Variants in SLC13A5 observed in about 807,000 individuals in gnomAD.
SLC13A5 encodes the protein solute carrier family 13 member 5.
In SLC13A5, 25 loss-of-function variants were observed where a neutral mutation model predicts 56.5. The observed-to-expected ratio is 0.44, with a 90% CI of 0.32 to 0.62. The LOEUF is 0.62. SLC13A5 is among the 20% of genes least tolerant of loss of function. The pLI is 0.04. For missense variants in SLC13A5, 649 were observed against 737.8 expected, an observed-to-expected ratio of 0.88 and a Z score of 1.39; for synonymous variants, 307 against 301.5, an observed-to-expected ratio of 1.02 and a Z score of -0.19.
At chr17:6,696,842 A>G (rs1298294386) in intron 6 of SLC13A5, among the ~76,000 whole-genome samples, 1 of 152,080 alleles carries the variant, frequency 6.6e-6, no homozygotes, top group Non-Finnish European at 1.5e-5. Context: ...AGACATAATC[A>G]TAGGAGGGAA....
intron 1 of SLC13A5, among the ~76,000 whole-genome samples, chr17:6,709,431 G>A (rs982185316): frequency 1.2e-4 from 18 of 151,842 alleles, no homozygotes; most frequent in Non-Finnish European, 2.2e-4. Context: ...CACCACGCCC[G>A]GCTAATTTTT....
chr17:6,713,272 G>A lies in SLC13A5; in HGVS notation c.62C>T (p.Pro21Leu). ...AATGACGAGTGGCAGCAGCAGGAGC[G>A]GGGTGACGAACAAGATCACGAAGGA... is the stretch of plus-strand genomic sequence containing the variant. Reference protein sequence around the residue: ...FKSFVILFVTPLLLLPLVILM... With the variant: ...FKSFVILFVTLLLLLPLVILM... Residue 21 changes from proline (P) to leucine (L), a missense_variant, in exon 1 of 12, where the codon CCG (proline) becomes CTG (leucine). Pro to Leu is a moderately conservative substitution (Grantham distance 98). Transcript: ENST00000433363. This position sits in a 1 kb window ranked among gnomAD's most constrained non-coding sequence, Gnocchi z 7.3. The A allele has an allele frequency of 6.2e-7, 1 of 1,613,982 alleles. No individual in the cohort carries two copies. Among genetic ancestry groups the A allele is most frequent in the Non-Finnish European group, 8.5e-7 (1 of 1,179,938 alleles).
intron 6 of SLC13A5, among the ~76,000 whole-genome samples, chr17:6,698,968 A>G (rs1340022306): frequency 2.6e-5 from 4 of 151,616 alleles, no homozygotes; most frequent in African/African-American, 4.9e-5. Flanking sequence ...GCTTGAACCC[A>G]GGTGGTGGAG....
At position 6,703,141 on chromosome 17, in the gene SLC13A5, G is replaced by A; in HGVS notation, c.548-3C>T. 6.2e-7 allele frequency: 1 copy of A among 1,613,962 alleles called. No homozygotes were observed. The highest frequency in any genetic ancestry group is 8.5e-7 in the Non-Finnish European group (1 of 1,180,010). On this transcript the variant is annotated splice_region_variant and splice_polypyrimidine_tract_variant and intron_variant, in intron 4 of 11. Transcript: ENST00000433363. ...GCCTTCAAAAATCACTTGACTCCCT[G>A]TGGTGGGCACAGCGCTGTTAGCTGA... is the stretch of plus-strand genomic sequence containing the variant.
intron 1 of SLC13A5, among the ~76,000 whole-genome samples, chr17:6,707,888 C>A (rs1404872444): frequency 6.6e-6 from 1 of 152,170 alleles, no homozygotes; most frequent in Non-Finnish European, 1.5e-5. Flanking sequence ...ACTACGTGTA[C>A]CCCTAAAGCT....
rs948570372 is a variant in SLC13A5, at chr17:6,706,730, G to T, written c.280C>A (p.Leu94Ile). The T allele has an allele frequency of 1.9e-6, 3 of 1,614,072 alleles. No homozygotes were observed. Among genetic ancestry groups the T allele is most frequent in the Non-Finnish European group, 2.5e-6 (3 of 1,179,986 alleles). ...KDTNMLFLGG[L>I]IVAVAVERWN... ...CGCTCCACAGCCACGGCCACGATGA[G>T]GCCGCCCAGGAACAGCATGTTGGTG... is the stretch of plus-strand genomic sequence containing the variant. The change falls in exon 3 of 12, where the codon CTC becomes ATC. Residue 94 changes from leucine (L) to isoleucine (I), a missense_variant. By Grantham distance (5) the Leu-to-Ile change is conservative. Transcript: ENST00000433363.
intron 6 of SLC13A5, 66 bp from the exon 7 acceptor site, chr17:6,696,007 G>A (rs1022647782): frequency 5.5e-6 from 8 of 1,443,346 alleles, no homozygotes; most frequent in Middle Eastern, 3.8e-4. Context: ...GTCAGATGGA[G>A]CCTAAATGTT....
chr17:6,700,521 A>G (rs1395875055), intron 6 of SLC13A5, among the ~76,000 whole-genome samples: 1 of 152,254 alleles, frequency 6.6e-6, no homozygotes, highest in African/African-American at 2.4e-5. Context: ...AAGCTTGTCC[A>G]GCAATGTCGA....
At position 6,690,863 on chromosome 17, in the gene SLC13A5, G is replaced by A; in HGVS notation, c.1353C>T (p.Ile451=). ...TGAACACGGCAACGAGCAAGGACAA[G>A]ATCAAGGTGATGGCTGCCGGGGGCA... ...HAVPPAAITL[I]LSLLVAVFTE... is the part of the protein sequence containing the mutation. Residue 451 remains isoleucine, a synonymous_variant, in exon 10 of 12, where the codon ATC becomes ATT. Coordinates refer to ENST00000433363, the MANE Select transcript of SLC13A5 (RefSeq NM_177550.5). 6.2e-7 allele frequency: 1 copy of A among 1,614,266 alleles called. No homozygotes were observed. The highest frequency in any genetic ancestry group is 8.5e-7 in the Non-Finnish European group (1 of 1,180,046).
At chr17:6,698,671 T>C (rs1038263775) in intron 6 of SLC13A5, among the ~76,000 whole-genome samples, 2 of 152,222 alleles carry the variant, frequency 1.3e-5, no homozygotes, top group African/African-American at 2.4e-5. Context: ...CATGCCTCAG[T>C]TGCCTTGTCT....
intron 1 of SLC13A5, among the ~76,000 whole-genome samples, chr17:6,708,232 T>G (rs565563390): frequency 6.6e-6 from 1 of 152,212 alleles, no homozygotes; most frequent in African/African-American, 2.4e-5. Flanking sequence ...CACCCTAAAG[T>G]GCTGGGATTA....
chr17:6,707,872 C>G (rs546974753), intron 1 of SLC13A5, among the ~76,000 whole-genome samples: 1 of 152,264 alleles, frequency 6.6e-6, no homozygotes, highest in South Asian at 2.1e-4. Context: ...ATTCATGTAA[C>G]CGAAAACTAC....
chr17:6,707,291 G>C, intron 1 of SLC13A5, 135 bp from the exon 2 acceptor site: 1 of 1,217,498 alleles, frequency 8.2e-7, no homozygotes, highest in Non-Finnish European at 1.1e-6. Context: ...AAGTCATCTT[G>C]TTCCCCAGCC....
chr17:6,697,160 C>G (rs1416295770), intron 6 of SLC13A5, among the ~76,000 whole-genome samples: 2 of 152,182 alleles, frequency 1.3e-5, no homozygotes, highest in Non-Finnish European at 1.5e-5. Flanking sequence ...GACAGGGCCT[C>G]TCTGCTGCCA....
At chr17:6,712,943 G>T (rs970130599) in intron 1 of SLC13A5, among the ~76,000 whole-genome samples, 1 of 152,224 alleles carries the variant, frequency 6.6e-6, no homozygotes, top group Non-Finnish European at 1.5e-5. Flanking sequence ...GCTGGGATCT[G>T]TGTGGCTGAG....
intron 6 of SLC13A5, among the ~76,000 whole-genome samples, chr17:6,699,068 T>TA (rs1973637247): frequency 7.3e-6 from 1 of 136,258 alleles, no homozygotes; most frequent in Non-Finnish European, 1.6e-5. Flanking sequence ...AATAAATAAA[T>TA]AAATAAATAA....
chr17:6,686,097 A>G lies in SLC13A5; in HGVS notation c.*110T>C. ...GGCTGGGTTTTGGTGGTGTGTGGAC[A>G]TCGTTGGGTCATTTTGGGGTGTGAA... On this transcript the variant is annotated 3_prime_UTR_variant, in exon 12 of 12. Transcript: ENST00000433363. The G allele has an allele frequency of 2.0e-6, 3 of 1,494,176 alleles. No individual in the cohort carries two copies. The highest frequency in any genetic ancestry group is 2.7e-6 in the Non-Finnish European group (3 of 1,099,376). The allele number at this position is 1,494,176 out of a possible 1,614,324, so 92.6% of individuals were successfully genotyped here.
In SLC13A5 at chr17:6,706,642, C is replaced by T. The variant is rs530676026; in HGVS notation, c.368G>A (p.Arg123Gln). 3.0e-5 allele frequency: 49 copies of T among 1,613,110 alleles called. No homozygotes were observed. Among genetic ancestry groups the T allele is most frequent in the African/African-American group, 9.3e-5 (7 of 75,038 alleles). The change falls in exon 3 of 12, where the codon CGG becomes CAG. Residue 123 changes from arginine (R) to glutamine (Q), a missense_variant and splice_region_variant. Arg to Gln is a conservative substitution (Grantham distance 43). Coordinates refer to ENST00000433363, the MANE Select transcript of SLC13A5 (RefSeq NM_177550.5). ...TLLWVGAKPA[R>Q]LMLGFMGVTA... ...GGCAAGAGAGAGAAGGCGTAATTAC[C>T]GTGCAGGCTTGGCCCCCACCCAGAG...
At position 6,701,237 on chromosome 17, in the gene SLC13A5, G is replaced by A. The variant is rs1973705467; in HGVS notation, c.717-111C>T. 2.7e-6 allele frequency: 4 copies of A among 1,455,952 alleles called. No individual in the cohort carries two copies. Among genetic ancestry groups the A allele is most frequent in the East Asian group, 2.5e-5 (1 of 40,736 alleles). 90.2% of individuals were successfully genotyped at this position (1,455,952 alleles called of 1,614,324 possible). On this transcript the variant is annotated intron_variant, in intron 5 of 11. Transcript: ENST00000433363. This position sits in a 1 kb window ranked among gnomAD's most constrained non-coding sequence, Gnocchi z 4.1. ...GCCCTGAGAGGCGCGCCTGTGTGGA[G>A]GCCACATCCTCCTGAGGTCTAGCCA...
Sources: allele counts gnomAD v4.1 joint callset (sites outside exome capture counted in the v4.1 genomes callset), GRCh38; gene constraint gnomAD v4.1.1; non-coding constraint Gnocchi (gnomAD v3.1); transcripts MANE v1.5; gene names NCBI Gene and HGNC (gene_info 2026-07-23, HGNC 2026-07-21).